The following DOCK7 variants were observed in gnomAD, a reference collection of about 807,000 sequenced individuals.
DOCK7 encodes the protein dedicator of cytokinesis protein 7.
In DOCK7, 138 loss-of-function variants were observed where a neutral mutation model predicts 271.0. The observed-to-expected ratio is 0.51, with a 90% CI of 0.44 to 0.59. The LOEUF is 0.59. Ranked by LOEUF, DOCK7 falls within the 20% of genes least tolerant of loss-of-function variation. The pLI is 0.00. For missense variants in DOCK7, 2,066 were observed against 2,592.4 expected (o/e 0.80, Z 4.41); for synonymous variants, 823 against 876.1 (o/e 0.94, Z 1.07).
chr1:62,658,671 C>T (rs1057227101), intron 2 of DOCK7, among the ~76,000 whole-genome samples: 3 of 152,066 alleles, frequency 2.0e-5, no homozygotes, highest in South Asian at 2.1e-4. Context: ...AGGGGAAGGC[C>T]GGGCGCAGTA....
intron 11 of DOCK7, among the ~76,000 whole-genome samples, chr1:62,627,275 T>C (rs900861503): frequency 7.9e-5 from 12 of 152,252 alleles, no homozygotes; most frequent in African/African-American, 2.6e-4. Context: ...ACAGCAAATA[T>C]CATACTTGAT....
intron 48 of DOCK7, among the ~76,000 whole-genome samples, chr1:62,465,233 G>C (rs2149239970): frequency 1.3e-5 from 2 of 152,292 alleles, no homozygotes; most frequent in Middle Eastern, 6.8e-3. Context: ...GCAGTAAATT[G>C]CATATCACAG....
At chr1:62,579,444 T>C (rs534322783) in intron 16 of DOCK7, among the ~76,000 whole-genome samples, 1 of 152,058 alleles carries the variant, frequency 6.6e-6, no homozygotes, top group African/African-American at 2.4e-5. Flanking sequence ...AAATATCACA[T>C]TGGAGGCCAG....
intron 31 of DOCK7, among the ~76,000 whole-genome samples, chr1:62,526,670 A>T (rs1289921048): frequency 6.6e-6 from 1 of 152,222 alleles, no homozygotes; most frequent in Non-Finnish European, 1.5e-5. Context: ...TGGAAATGAT[A>T]CAGCTGTTCA....
Position 62,513,592 on chromosome 1 carries a change from A to C in DOCK7, c.4134T>G (p.Phe1378Leu), listed in dbSNP as rs753854548. 6.2e-7 allele frequency: 1 copy of C among 1,612,412 alleles called. No homozygotes were observed. The highest frequency in any genetic ancestry group is 8.5e-7 in the Non-Finnish European group (1 of 1,179,632). ...SCFEYKGKKVFERMNSLTFKK... is the reference protein window; with the variant it reads ...SCFEYKGKKVLERMNSLTFKK... The stretch of plus-strand genomic sequence containing the variant: ...TAAAGGTCAAGCTATTCATTCGTTC[A>C]AACACTTTTTTCCCCTAAAATGTAA... Residue 1378 changes from phenylalanine to leucine, a missense_variant, in exon 33 of 50, where the codon TTT becomes TTG. Physicochemically the swap from Phe to Leu is conservative, Grantham distance 22 (BLOSUM62 0). Coordinates refer to ENST00000635253, the MANE Select transcript of DOCK7 (RefSeq NM_001367561.1).
intron 4 of DOCK7, among the ~76,000 whole-genome samples, chr1:62,651,237 T>A (rs183394505): frequency 5.1e-5 from 7 of 137,670 alleles, no homozygotes; most frequent in Admixed American, 1.6e-4. Flanking sequence ...CAGGTGAGAA[T>A]TGAACAATGA....
chr1:62,455,116 C>A lies in DOCK7; in HGVS notation c.*298G>T. The A allele has an allele frequency of 4.0e-6, 2 of 504,700 alleles. No individual in the cohort carries two copies. The highest frequency in any genetic ancestry group is 3.5e-6 in the Non-Finnish European group (1 of 288,234). 31.3% of individuals were successfully genotyped at this position (504,700 alleles called of 1,614,324 possible). The stretch of plus-strand genomic sequence containing the variant: ...AAATGGTAATATAAATTAAAAAATA[C>A]GAACTTAAAGTGAATAAATTTTTAA... On this transcript the variant is annotated 3_prime_UTR_variant, in exon 50 of 50. Transcript: ENST00000635253.
chr1:62,548,128 CT>C (rs1342589891), intron 22 of DOCK7, among the ~76,000 whole-genome samples: 1 of 151,472 alleles, frequency 6.6e-6, no homozygotes, highest in Middle Eastern at 3.2e-3. Context: ...GAAGCTTACA[CT>C]CTGTTAAAGG....
chr1:62,654,671 G>GA (rs1657778481), intron 2 of DOCK7, among the ~76,000 whole-genome samples: 1 of 151,892 alleles, frequency 6.6e-6, no homozygotes, highest in South Asian at 2.1e-4. Flanking sequence ...ACCTTATATG[G>GA]AAAAAAATAA....
chr1:62,675,585 A>G (rs1660462030), intron 1 of DOCK7, among the ~76,000 whole-genome samples: 1 of 152,128 alleles, frequency 6.6e-6, no homozygotes, highest in African/African-American at 2.4e-5. Context: ...GATCAGGACC[A>G]TCCTGGCTAA....
At chr1:62,658,835 C>T (rs537887810) in intron 2 of DOCK7, among the ~76,000 whole-genome samples, 4 of 151,970 alleles carry the variant, frequency 2.6e-5, no homozygotes, top group South Asian at 2.1e-4. Flanking sequence ...CACCTGTGGT[C>T]CCAGCTACTC....
intron 14 of DOCK7, chr1:62,597,479 A>G: frequency 7.7e-6 from 11 of 1,433,904 alleles, no homozygotes; most frequent in Non-Finnish European, 1.0e-5. Context: ...TTCTGGGCAA[A>G]TATTGGTATA....
At chr1:62,582,117 T>C (rs922439815) in intron 16 of DOCK7, among the ~76,000 whole-genome samples, 2 of 151,344 alleles carry the variant, frequency 1.3e-5, no homozygotes, top group African/African-American at 2.4e-5. Flanking sequence ...AGATGAAGAG[T>C]AGAGAAGTTG....
chr1:62,504,258 A>ATGTT (rs1646877406), intron 37 of DOCK7, among the ~76,000 whole-genome samples: 1 of 152,190 alleles, frequency 6.6e-6, no homozygotes, highest in Non-Finnish European at 1.5e-5. Flanking sequence ...TATAACATAT[A>ATGTT]ATAAAAGACA....
intron 43 of DOCK7, among the ~76,000 whole-genome samples, chr1:62,479,331 T>C (rs1318961282): frequency 4.6e-5 from 7 of 152,304 alleles, no homozygotes; most frequent in African/African-American, 1.7e-4. Context: ...CAAAAACATG[T>C]AAAGTTTTAA....
intron 14 of DOCK7, among the ~76,000 whole-genome samples, chr1:62,588,404 G>C (rs1557762631): frequency 6.6e-6 from 1 of 152,188 alleles, no homozygotes; most frequent in Non-Finnish European, 1.5e-5. Context: ...TAGGTACCTA[G>C]CTGTCTGTGG....
chr1:62,521,185 G>A (rs191916192), intron 31 of DOCK7, among the ~76,000 whole-genome samples: 114 of 151,986 alleles, frequency 7.5e-4, no homozygotes, highest in African/African-American at 2.7e-3. Context: ...AAACCACCAC[G>A]GCATGTGTAT....
At chr1:62,572,407 G>GT (rs1238569385) in intron 18 of DOCK7, among the ~76,000 whole-genome samples, 2 of 152,186 alleles carry the variant, frequency 1.3e-5, no homozygotes, top group African/African-American at 4.8e-5. Context: ...ACCAATTACT[G>GT]TAAGTCTTAA....
chr1:62,509,425 T>A (rs1644416305), intron 34 of DOCK7, among the ~76,000 whole-genome samples: 1 of 151,938 alleles, frequency 6.6e-6, no homozygotes, highest in African/African-American at 2.4e-5. Flanking sequence ...TAAGATGGTT[T>A]AAACAAAAAG....
Sources: allele counts gnomAD v4.1 joint callset (sites outside exome capture counted in the v4.1 genomes callset), GRCh38; gene constraint gnomAD v4.1.1; transcripts MANE v1.5; gene names NCBI Gene and HGNC (gene_info 2026-07-23, HGNC 2026-07-21).